EPHB2: variants seen among roughly 807,000 people sequenced by gnomAD.
EPHB2 encodes EPH receptor B2, also known as ephrin type-B receptor 2.
In EPHB2, 18 loss-of-function variants were observed where a neutral mutation model predicts 96.4. The ratio of observed to expected loss-of-function variants is 0.19; its 90% CI spans 0.13 to 0.28. EPHB2 has a LOEUF of 0.28. Among genes scored for constraint, EPHB2 ranks in the 10% least tolerant of loss-of-function variants. EPHB2 has a pLI of 1.00. For missense variants in EPHB2, 989 were observed against 1,355.4 expected, an observed-to-expected ratio of 0.73 and a Z score of 4.25; for synonymous variants, 506 against 534.1, an observed-to-expected ratio of 0.95 and a Z score of 0.72.
intron 1 of EPHB2, among the ~76,000 whole-genome samples, chr1:22,741,212 C>A (rs1221964760): frequency 6.6e-6 from 1 of 152,092 alleles, no homozygotes; most frequent in Non-Finnish European, 1.5e-5. Context: ...AGTGCCTAAT[C>A]TTTCCCAGCG....
intron 1 of EPHB2, among the ~76,000 whole-genome samples, chr1:22,715,490 C>T (rs891163451): frequency 3.9e-5 from 6 of 152,072 alleles, no homozygotes; most frequent in Admixed American, 6.5e-5. Context: ...TAAGACCCAG[C>T]GACCTTCCAT....
At chr1:22,727,933 G>A (rs553705665) in intron 1 of EPHB2, among the ~76,000 whole-genome samples, 88 of 151,966 alleles carry the variant, frequency 5.8e-4, no homozygotes, top group African/African-American at 2.1e-3. Flanking sequence ...GTGAGCCACT[G>A]TACCTGGCTG....
At chr1:22,773,770 A>G (rs1156347474) in intron 1 of EPHB2, among the ~76,000 whole-genome samples, 1 of 152,090 alleles carries the variant, frequency 6.6e-6, no homozygotes, top group East Asian at 1.9e-4. Flanking sequence ...GTCCTGTGCT[A>G]CCATCTCCTT....
rs1308418254 is a variant in EPHB2 at position 22,913,413 on chromosome 1, G to T, written c.2853-49G>T. Reference sequence around the variant, plus strand: ...CCAGGCAGCTCTCTACCAGGCACAGGACCCCTTCACCCGCATATTTCCCTA... The same window carrying T: ...CCAGGCAGCTCTCTACCAGGCACAGTACCCCTTCACCCGCATATTTCCCTA... On this transcript the variant is annotated intron_variant, in intron 15 of 15. Coordinates refer to ENST00000374630, the MANE Select transcript of EPHB2 (RefSeq NM_017449.5). The surrounding 1 kb of genome is among the most constrained non-coding windows in gnomAD (Gnocchi z 4.1). 6.2e-7 allele frequency: 1 copy of T among 1,604,282 alleles called. No homozygotes were observed. The highest frequency in any genetic ancestry group is 2.2e-5 in the East Asian group (1 of 44,696).
intron 1 of EPHB2, among the ~76,000 whole-genome samples, chr1:22,729,887 C>T (rs1557640210): frequency 2.6e-5 from 4 of 152,232 alleles, no homozygotes; most frequent in African/African-American, 9.6e-5. Flanking sequence ...AAGTGCTCAA[C>T]TGATATATAT....
Position 22,912,496 on chromosome 1 carries a change from A to G in EPHB2, c.2749A>G (p.Thr917Ala), listed in dbSNP as rs1386374791. 1 of 1,614,036 alleles carries G rather than the reference A, an allele frequency of 6.2e-7. No homozygotes were observed. The highest frequency in any genetic ancestry group is 8.5e-7 in the Non-Finnish European group (1 of 1,180,012). ...RTIPDYTSFN[T>A]VDEWLEAIKM... Reference sequence around the variant, plus strand: ...GATCCCCGACTACACCAGCTTTAACACGGTGGACGAGTGGCTGGAGGCCAT... The same window carrying G: ...GATCCCCGACTACACCAGCTTTAACGCGGTGGACGAGTGGCTGGAGGCCAT... The change falls in exon 15 of 16, where the codon ACG (threonine) becomes GCG (alanine). Residue 917 changes from threonine to alanine, a missense_variant. Thr to Ala is a moderately conservative substitution (Grantham distance 58). Coordinates refer to ENST00000374630, the MANE Select transcript of EPHB2 (RefSeq NM_017449.5).
At chr1:22,856,860 G>A (rs1162643613) in intron 3 of EPHB2, among the ~76,000 whole-genome samples, 2 of 152,116 alleles carry the variant, frequency 1.3e-5, no homozygotes, top group East Asian at 3.8e-4. Flanking sequence ...CATTTACATG[G>A]CACTTACCTT....
At chr1:22,728,217 A>G (rs1434955657) in intron 1 of EPHB2, among the ~76,000 whole-genome samples, 1 of 151,278 alleles carries the variant, frequency 6.6e-6, no homozygotes, top group Non-Finnish European at 1.5e-5. Flanking sequence ...GGTGCTCAGT[A>G]AAAAATTACT....
intron 1 of EPHB2, among the ~76,000 whole-genome samples, chr1:22,753,388 C>T (rs1392700412): frequency 3.3e-5 from 5 of 152,186 alleles, no homozygotes; most frequent in South Asian, 2.1e-4. Flanking sequence ...AATGATGGCT[C>T]CTCTTGTCAC....
chr1:22,836,175 T>A (rs894334596), intron 3 of EPHB2, among the ~76,000 whole-genome samples: 1 of 152,140 alleles, frequency 6.6e-6, no homozygotes, highest in Admixed American at 6.5e-5. Context: ...CGCTTTTGAT[T>A]TCCCCAAAGC....
intron 3 of EPHB2, among the ~76,000 whole-genome samples, chr1:22,840,104 G>A (rs747385004): frequency 2.7e-4 from 41 of 152,150 alleles, no homozygotes; most frequent in Admixed American, 7.2e-4. Flanking sequence ...TGGATGGATG[G>A]ATGGACAGAG....
intron 9 of EPHB2, among the ~76,000 whole-genome samples, chr1:22,905,358 AC>A (rs1259893450): frequency 5.3e-5 from 8 of 152,050 alleles, no homozygotes; most frequent in Non-Finnish European, 8.8e-5. Context: ...CTAGAGGGGG[AC>A]CTGGGAGGTG....
intron 1 of EPHB2, among the ~76,000 whole-genome samples, chr1:22,736,605 C>G (rs2148358879): frequency 6.6e-6 from 1 of 152,294 alleles, no homozygotes; most frequent in East Asian, 1.9e-4. Context: ...GGAGGGGGCC[C>G]CTTCACAGCT....
chr1:22,905,698 T>C (rs903449517), intron 9 of EPHB2, among the ~76,000 whole-genome samples: 3 of 152,248 alleles, frequency 2.0e-5, no homozygotes, highest in Non-Finnish European at 4.4e-5. Flanking sequence ...TTATCAGTCC[T>C]GACAGTCTCA....
At chr1:22,882,772 C>G (rs1175975285) in intron 6 of EPHB2, 1 of 390,656 alleles carries the variant, frequency 2.6e-6, no homozygotes, top group African/African-American at 2.1e-5. Context: ...TACCACGACC[C>G]TTTCATCTTG....
At chr1:22,873,795 G>T (rs1557727475) in intron 5 of EPHB2, among the ~76,000 whole-genome samples, 1 of 152,144 alleles carries the variant, frequency 6.6e-6, no homozygotes, top group Non-Finnish European at 1.5e-5. Flanking sequence ...GAAGGGTAGG[G>T]CCCTCCCTTT....
At chr1:22,746,924 G>A (rs975653090) in intron 1 of EPHB2, among the ~76,000 whole-genome samples, 1 of 152,156 alleles carries the variant, frequency 6.6e-6, no homozygotes, top group African/African-American at 2.4e-5. Flanking sequence ...TTCCTGGAAG[G>A]GGGTTAGGAC....
intron 1 of EPHB2, among the ~76,000 whole-genome samples, chr1:22,766,801 C>G (rs1644313797): frequency 6.6e-6 from 1 of 152,238 alleles, no homozygotes; most frequent in Non-Finnish European, 1.5e-5. Context: ...CTGCTCCCAG[C>G]ATCAGTAGGT....
chr1:22,792,387 G>A (rs968977091), intron 3 of EPHB2, among the ~76,000 whole-genome samples: 1 of 152,154 alleles, frequency 6.6e-6, no homozygotes. Flanking sequence ...GAGAAGGAGG[G>A]GGGACAGACA....
Sources: allele counts gnomAD v4.1 joint callset (sites outside exome capture counted in the v4.1 genomes callset), GRCh38; gene constraint gnomAD v4.1.1; non-coding constraint Gnocchi (gnomAD v3.1); transcripts MANE v1.5; gene names NCBI Gene and HGNC (gene_info 2026-07-23, HGNC 2026-07-21).